CSMD1: variants seen among roughly 807,000 people sequenced by gnomAD.
CSMD1 encodes the protein CUB and sushi domain-containing protein 1.
In CSMD1, 213 loss-of-function variants were observed where a neutral mutation model predicts 417.5. The observed-to-expected ratio is 0.51, with a 90% CI of 0.46 to 0.57. The LOEUF (loss-of-function observed/expected upper bound fraction) is 0.57. Ranked by LOEUF, CSMD1 falls within the 20% of genes least tolerant of loss-of-function variation. The pLI is 0.00. For synonymous variants in CSMD1, 2,862 were observed against 1,736.8 expected (o/e 1.65, Z -16.11); for missense variants, 6,923 against 4,529.7 (o/e 1.53, Z -15.17).
intron 21 of CSMD1, among the ~76,000 whole-genome samples, chr8:3,351,558 C>A (rs1223382206): frequency 6.8e-6 from 1 of 146,040 alleles, no homozygotes; most frequent in Non-Finnish European, 1.5e-5. Context: ...GACCACCCAA[C>A]TACATTTCAG....
intron 1 of CSMD1, among the ~76,000 whole-genome samples, chr8:4,975,651 G>A (rs1416608440): frequency 6.6e-6 from 1 of 152,136 alleles, no homozygotes; most frequent in African/African-American, 2.4e-5. Context: ...GTGTTACTCT[G>A]AAGTGAGGTA....
At chr8:4,235,799 C>G (rs1563316112) in intron 3 of CSMD1, among the ~76,000 whole-genome samples, 1 of 152,062 alleles carries the variant, frequency 6.6e-6, no homozygotes, top group African/African-American at 2.4e-5. Context: ...TTCTTTGAAA[C>G]ATTTGTTTTT....
chr8:3,843,536 G>A (rs186070521), intron 5 of CSMD1, among the ~76,000 whole-genome samples: 9,559 of 151,242 alleles, frequency 0.063, 886 homozygotes, highest in African/African-American at 0.2. Context: ...CTATATAAAA[G>A]TAAAAAAAAA....
intron 2 of CSMD1, among the ~76,000 whole-genome samples, chr8:4,549,631 G>C (rs1197143853): frequency 1.3e-5 from 2 of 152,056 alleles, no homozygotes; most frequent in Non-Finnish European, 1.5e-5. Flanking sequence ...GCTCACACCG[G>C]TAATCCCAGC....
intron 3 of CSMD1, among the ~76,000 whole-genome samples, chr8:4,046,560 G>A (rs930092710): frequency 6.6e-6 from 1 of 152,066 alleles, no homozygotes; most frequent in Admixed American, 6.6e-5. Context: ...GTATAACTGT[G>A]GGCTTCCAGG....
At chr8:3,556,167 G>A (rs887509865) in intron 10 of CSMD1, among the ~76,000 whole-genome samples, 2 of 151,726 alleles carry the variant, frequency 1.3e-5, no homozygotes, top group Non-Finnish European at 2.9e-5. Context: ...TTTCCTAAGT[G>A]GATTTTATAA....
At chr8:3,517,462 G>A (rs1445281598) in intron 10 of CSMD1, among the ~76,000 whole-genome samples, 1 of 152,186 alleles carries the variant, frequency 6.6e-6, no homozygotes, top group East Asian at 1.9e-4. Flanking sequence ...CAAATTGCCA[G>A]TGAAATTTGC....
chr8:4,243,151 G>GGA (rs772168703), intron 3 of CSMD1, among the ~76,000 whole-genome samples: 1 of 152,098 alleles, frequency 6.6e-6, no homozygotes, highest in African/African-American at 2.4e-5. Flanking sequence ...AAAAAGGAGA[G>GGA]GAGGGAGAGT....
chr8:4,236,055 T>TTTTTTTTTTTTTTTTTTTTG (rs1802038108), intron 3 of CSMD1, among the ~76,000 whole-genome samples: 6 of 83,750 alleles, frequency 7.2e-5, no homozygotes, highest in African/African-American at 1.3e-4. Flanking sequence ...TTTTTTTTTT[T>TTTTTTTTTTTTTTTTTTTTG]TTTTTTTTTT....
rs545842369 is a variant in CSMD1 at position 3,584,856 on chromosome 8, G to C, written c.1222+1280C>G. On this transcript the variant is annotated intron_variant, in intron 9 of 69. Transcript: ENST00000635120. Reference sequence around the variant, plus strand: ...CCTCCTGTATAATTGGGAGGCTTGTGCATCACCAGCCCTAGTGGGAACATG... The same window carrying C: ...CCTCCTGTATAATTGGGAGGCTTGTCCATCACCAGCCCTAGTGGGAACATG... Among the ~76,000 whole-genome samples, 8 of 152,226 alleles carry C rather than the reference G, an allele frequency of 5.3e-5. No individual in the cohort carries two copies. The East Asian group carries it at 1.5e-3, about 29-fold the overall frequency.
intron 2 of CSMD1, among the ~76,000 whole-genome samples, chr8:4,571,260 C>T (rs906005464): frequency 8.5e-5 from 13 of 152,182 alleles, no homozygotes; most frequent in Admixed American, 8.5e-4. Flanking sequence ...ATCTTTCCTG[C>T]TTTCTCATGT....
At chr8:3,169,603 A>C (rs1038508264) in intron 37 of CSMD1, among the ~76,000 whole-genome samples, 44 of 152,206 alleles carry the variant, frequency 2.9e-4, no homozygotes, top group African/African-American at 9.7e-4. Flanking sequence ...AACAATGTGC[A>C]TATACTTAAT....
chr8:3,285,821 GTA>G (rs752990851), intron 25 of CSMD1, among the ~76,000 whole-genome samples: 159 of 148,840 alleles, frequency 1.1e-3, no homozygotes, highest in African/African-American at 2.9e-3. Flanking sequence ...CCCCATTTGT[GTA>G]TATATATATA....
At chr8:4,749,960 C>G (rs538559474) in intron 1 of CSMD1, among the ~76,000 whole-genome samples, 89 of 151,900 alleles carry the variant, frequency 5.9e-4, no homozygotes, top group African/African-American at 2.0e-3. Flanking sequence ...ATGGTTCCCT[C>G]AAGTGCCTGT....
rs540419006 is a variant in CSMD1, at chr8:4,387,570, C to CAAAAAAAAAAAAAAAAAAAAAAAAAAAAA, written c.415+32382_415+32383insTTTTTTTTTTTTTTTTTTTTTTTTTTTTT. 5.1e-4 allele frequency among the ~76,000 whole-genome samples: 19 copies of CAAAAAAAAAAAAAAAAAAAAAAAAAAAAA among 37,206 alleles called. 3 individuals carry two copies. Among genetic ancestry groups the CAAAAAAAAAAAAAAAAAAAAAAAAAAAAA allele is most frequent in the South Asian group, 1.6e-3 (1 of 636 alleles). 24.4% of individuals were successfully genotyped at this position (37,206 alleles called of 152,430 possible). A position where few individuals can be genotyped will look rare whatever the true frequency, so the allele number is the denominator to read the frequency against. The stretch of plus-strand genomic sequence containing the variant: ...GAAGAGATGCATAAATCCAAACTGG[C>CAAAAAAAAAAAAAAAAAAAAAAAAAAAAA]AAAAAAAAAAAAAAAAAAAAAAGAG... On this transcript the variant is annotated intron_variant, in intron 3 of 69. Coordinates refer to ENST00000635120, the MANE Select transcript of CSMD1 (RefSeq NM_033225.6).
chr8:3,900,058 G>T (rs1037239345), intron 5 of CSMD1, among the ~76,000 whole-genome samples: 2 of 151,944 alleles, frequency 1.3e-5, no homozygotes, highest in Non-Finnish European at 1.5e-5. Context: ...TGCTGTAGCT[G>T]GGTAACACTA....
At chr8:3,181,034 A>G (rs1202746874) in intron 37 of CSMD1, 76 bp downstream of exon 37, 1 of 860,602 alleles carries the variant, frequency 1.2e-6, no homozygotes, top group Non-Finnish European at 1.9e-6. Context: ...GTTTAATAAG[A>G]GCATGATTTA....
intron 3 of CSMD1, among the ~76,000 whole-genome samples, chr8:4,057,696 G>T (rs1158050045): frequency 6.6e-6 from 1 of 151,636 alleles, no homozygotes; most frequent in Non-Finnish European, 1.5e-5. Context: ...AATCTATCTT[G>T]AATTGATTTC....
intron 1 of CSMD1, among the ~76,000 whole-genome samples, chr8:4,807,759 T>A (rs932665983): frequency 6.6e-6 from 1 of 152,152 alleles, no homozygotes; most frequent in Non-Finnish European, 1.5e-5. Context: ...CATATCACAG[T>A]ATGTAAACTA....
Sources: gnomAD v4.1 joint callset for allele counts (sites outside exome capture counted in the v4.1 genomes callset) on GRCh38, gnomAD v4.1.1 for gene constraint, MANE v1.5 for transcripts, NCBI Gene and HGNC (gene_info 2026-07-23, HGNC 2026-07-21) for gene names.